CNTNAP3B: variants seen among roughly 807,000 people sequenced by gnomAD.
The protein encoded by CNTNAP3B is contactin associated protein family member 3B, also known as contactin-associated protein-like 3B.
A neutral mutation model predicts 108.9 loss-of-function variants in CNTNAP3B; 25 were observed. That is an observed-to-expected ratio of 0.23 (90% CI 0.17 to 0.32). CNTNAP3B has a LOEUF of 0.32. Among genes scored for constraint, CNTNAP3B ranks in the 10% least tolerant of loss-of-function variants. The pLI, the probability that CNTNAP3B is intolerant of heterozygous loss-of-function variation, is 1.00. For missense variants in CNTNAP3B, 252 were observed against 1,210.4 expected, an observed-to-expected ratio of 0.21 and a Z score of 11.75; for synonymous variants, 103 against 473.4, an observed-to-expected ratio of 0.22 and a Z score of 10.16.
At position 42,123,622 on chromosome 9, in the gene CNTNAP3B, C is replaced by T. The variant is rs1291047919; in HGVS notation, c.85+5388G>A. Among the ~76,000 whole-genome samples, 4 of 132,922 alleles carry T rather than the reference C, an allele frequency of 3.0e-5. 1 individual carries two copies. Among genetic ancestry groups the T allele is most frequent in the Non-Finnish European group, 6.3e-5 (4 of 63,212 alleles). The allele number at this position is 132,922 out of a possible 152,430, so 87.2% of individuals were successfully genotyped here. ...TCAAGGTTGCAGAAGATTTGAGCTA[C>T]CAAGTCCAAGCCTTCTAAAAGATTC... On this transcript the variant is annotated intron_variant, in intron 1 of 23. Transcript: ENST00000377561.
At chr9:41,969,718 T>C (rs1184115858) in intron 10 of CNTNAP3B, among the ~76,000 whole-genome samples, 153 of 149,344 alleles carry the variant, frequency 1.0e-3, no homozygotes, top group African/African-American at 3.7e-3. Context: ...CCCGGGTTCA[T>C]GCCATTCTCC....
intron 13 of CNTNAP3B, among the ~76,000 whole-genome samples, chr9:41,943,655 T>A (rs1824434037): frequency 6.8e-6 from 1 of 147,628 alleles, no homozygotes; most frequent in South Asian, 2.2e-4. Flanking sequence ...CGCCCAGCCC[T>A]GTTGGATAAA....
chr9:42,107,024 AACAGC>A lies in CNTNAP3B; in HGVS notation c.86-2290_86-2286del, dbSNP rs1468995336. 2.2e-5 allele frequency among the ~76,000 whole-genome samples: 2 copies of A among 93,000 alleles called. 1 individual carries two copies. Among genetic ancestry groups the A allele is most frequent in the Non-Finnish European group, 4.5e-5 (2 of 44,522 alleles). The allele number at this position is 93,000 out of a possible 152,430, so 61.0% of individuals were successfully genotyped here. On this transcript the variant is annotated intron_variant, in intron 1 of 23. Transcript: ENST00000377561. Reference sequence around the variant, plus strand: ...TCCTGCAGTATCATGCAACACATAAAACAGCACTGGGCGTTTCACGTGTCCCTGGA... The same window carrying A: ...TCCTGCAGTATCATGCAACACATAAAACTGGGCGTTTCACGTGTCCCTGGA...
At chr9:42,111,964 A>C (rs1828200794) in intron 1 of CNTNAP3B, among the ~76,000 whole-genome samples, 1 of 139,080 alleles carries the variant, frequency 7.2e-6, no homozygotes, top group Admixed American at 7.2e-5. Context: ...CATATCAACG[A>C]GCTCCAATGG....
At chr9:42,055,121 A>T (rs1399865218) in intron 3 of CNTNAP3B, among the ~76,000 whole-genome samples, 1 of 134,692 alleles carries the variant, frequency 7.4e-6, no homozygotes, top group African/African-American at 3.0e-5. Context: ...ACTTATTATT[A>T]TTTTTTACAT....
chr9:41,954,239 G>A (rs1824788216), intron 12 of CNTNAP3B, among the ~76,000 whole-genome samples: 1 of 152,244 alleles, frequency 6.6e-6, no homozygotes, highest in Non-Finnish European at 1.5e-5. Context: ...TTTGTATGGG[G>A]ATTTTTTAAG....
chr9:41,983,131 G>A (rs1348726482), intron 9 of CNTNAP3B: 4 of 133,942 alleles, frequency 3.0e-5, no homozygotes, highest in African/African-American at 9.1e-5. Flanking sequence ...TGTACCCCAA[G>A]CCCCCATTAC....
intron 14 of CNTNAP3B, among the ~76,000 whole-genome samples, chr9:41,932,993 G>T (rs1255917531): frequency 6.6e-6 from 1 of 152,306 alleles, no homozygotes; most frequent in East Asian, 1.9e-4. Context: ...ACAGCTAACA[G>T]AACTAGTTTC....
intron 4 of CNTNAP3B, chr9:42,011,682 T>C (rs1826134969): frequency 1.7e-5 from 1 of 58,416 alleles, no homozygotes; most frequent in Admixed American, 2.0e-4. Flanking sequence ...GGAAGGGATA[T>C]TATAAGTCAT....
At chr9:41,961,466 A>C (rs1341682192) in intron 11 of CNTNAP3B, among the ~76,000 whole-genome samples, 1 of 152,304 alleles carries the variant, frequency 6.6e-6, no homozygotes, top group African/African-American at 2.4e-5. Flanking sequence ...AAACTCTATA[A>C]TTAAGGAAGA....
At chr9:42,082,868 T>G (rs1695693338) in intron 2 of CNTNAP3B, among the ~76,000 whole-genome samples, 1 of 140,936 alleles carries the variant, frequency 7.1e-6, no homozygotes, top group Non-Finnish European at 1.5e-5. Context: ...AGGTAAGTAG[T>G]GCAAACACTC....
chr9:41,926,159 A>C lies in CNTNAP3B; in HGVS notation c.2366-2066T>G, dbSNP rs1449880295. 2.1e-4 allele frequency among the ~76,000 whole-genome samples: 32 copies of C among 152,378 alleles called. No individual in the cohort carries two copies. In the East Asian group the frequency reaches 5.6e-3, roughly 27 times the overall value. The stretch of plus-strand genomic sequence containing the variant: ...AACCCAGCACCACAGGGTTCATTAC[A>C]GTCTTCCTCCTTCCCACATGTATAA... On this transcript the variant is annotated intron_variant, in intron 15 of 23. Coordinates refer to ENST00000377561, the MANE Select transcript of CNTNAP3B (RefSeq NM_001201380.3).
At chr9:42,128,028 G>C (rs553905641) in intron 1 of CNTNAP3B, among the ~76,000 whole-genome samples, 1 of 139,014 alleles carries the variant, frequency 7.2e-6, no homozygotes, top group Non-Finnish European at 1.5e-5. Flanking sequence ...ACAGCAGGGA[G>C]ATGCCACTGA....
intron 11 of CNTNAP3B, among the ~76,000 whole-genome samples, chr9:41,961,932 A>ATT (rs1825106412): frequency 1.3e-5 from 2 of 152,308 alleles, no homozygotes; most frequent in African/African-American, 4.8e-5. Flanking sequence ...TATTGATTTA[A>ATT]ATAGATACAT....
intron 1 of CNTNAP3B, among the ~76,000 whole-genome samples, chr9:42,126,567 CTT>C (rs780785918): frequency 2.4e-5 from 3 of 127,624 alleles, no homozygotes; most frequent in African/African-American, 6.3e-5. Flanking sequence ...GTTTAGAGAG[CTT>C]TTTTTTTTTT....
At chr9:41,939,800 T>G (rs1436533609) in intron 13 of CNTNAP3B, among the ~76,000 whole-genome samples, 1 of 152,212 alleles carries the variant, frequency 6.6e-6, no homozygotes, top group African/African-American at 2.4e-5. Flanking sequence ...AACAAAAAGA[T>G]GTAAGTGGGT....
intron 3 of CNTNAP3B, among the ~76,000 whole-genome samples, chr9:42,071,594 A>G (rs923590338): frequency 5.0e-5 from 7 of 139,082 alleles, no homozygotes; most frequent in African/African-American, 1.7e-4. Flanking sequence ...ATAAAATTCT[A>G]TAGATTTAAA....
chr9:42,119,690 T>A (rs1226636297), intron 1 of CNTNAP3B, among the ~76,000 whole-genome samples: 1 of 139,136 alleles, frequency 7.2e-6, no homozygotes, highest in Non-Finnish European at 1.5e-5. Flanking sequence ...AACTATCTGA[T>A]CTTTGAGAAA....
At chr9:41,956,156 G>A (rs1272684534) in intron 12 of CNTNAP3B, among the ~76,000 whole-genome samples, 14 of 152,252 alleles carry the variant, frequency 9.2e-5, no homozygotes, top group African/African-American at 3.4e-4. Flanking sequence ...GGAGGCCGAG[G>A]CAGGCGGATT....
Sources: allele counts gnomAD v4.1 joint callset (sites outside exome capture counted in the v4.1 genomes callset), GRCh38; gene constraint gnomAD v4.1.1; transcripts MANE v1.5; gene names NCBI Gene and HGNC (gene_info 2026-07-23, HGNC 2026-07-21).